TBX19: variants seen among roughly 807,000 people sequenced by gnomAD.
The protein encoded by TBX19 is T-box transcription factor TBX19.
A neutral mutation model predicts 40.9 loss-of-function variants in TBX19; 33 were observed. The observed-to-expected ratio is 0.81, with a 90% CI of 0.61 to 1.08. TBX19 has a LOEUF of 1.08. Ranked by LOEUF, TBX19 falls within the 50% of genes least tolerant of loss-of-function variation. The pLI, the probability that TBX19 is intolerant of heterozygous loss-of-function variation, is 0.00. For synonymous variants in TBX19, 220 were observed against 225.0 expected, an observed-to-expected ratio of 0.98 and a Z score of 0.20; for missense variants, 494 against 574.0, an observed-to-expected ratio of 0.86 and a Z score of 1.42.
In TBX19 at chr1:168,305,022, T is replaced by C; in HGVS notation, c.742T>C (p.Phe248Leu). The change falls in exon 6 of 8, where the codon TTT becomes CTT. Residue 248 changes from phenylalanine to leucine, a missense_variant. Physicochemically the swap from Phe to Leu is conservative, Grantham distance 22 (BLOSUM62 0). This residue lies in a region of TBX19 where 284 missense variants were observed against 307.3 expected (regional missense o/e 0.92). Coordinates refer to ENST00000367821, the MANE Select transcript of TBX19 (RefSeq NM_005149.3). ...VTYSHLGGWI[F>L]SNPDGVCTAG... is the part of the protein sequence containing the mutation. ...GTCTATTTTAGTGGGAGGCTGGATC[T>C]TTTCCAATCCAGATGGAGTGTGCAC... is the stretch of plus-strand genomic sequence containing the variant. 1 of 1,614,058 alleles carries C rather than the reference T, an allele frequency of 6.2e-7. No homozygotes were observed. Among genetic ancestry groups the C allele is most frequent in the Non-Finnish European group, 8.5e-7 (1 of 1,180,042 alleles).
intron 6 of TBX19, 129 bp downstream of exon 6, chr1:168,305,325 A>G (rs1374587608): frequency 3.7e-6 from 3 of 812,246 alleles, no homozygotes; most frequent in Non-Finnish European, 4.0e-6. Flanking sequence ...CATCTATGAT[A>G]TGATTGTTTT....
intron 5 of TBX19, 64 bp from the exon 6 acceptor site, chr1:168,304,944 C>G (rs147965071): frequency 3.3e-6 from 5 of 1,513,124 alleles, no homozygotes; most frequent in East Asian, 2.2e-5. Context: ...AGTAGCTGGT[C>G]ACCTGATTTT....
chr1:168,281,788 T>C (rs1188504795), intron 1 of TBX19, among the ~76,000 whole-genome samples: 1 of 152,252 alleles, frequency 6.6e-6, no homozygotes, highest in East Asian at 1.9e-4. Context: ...TCACTTCATC[T>C]GCTTCCCCGT....
chr1:168,303,581 G>A (rs1033327918), intron 5 of TBX19, among the ~76,000 whole-genome samples: 2 of 152,206 alleles, frequency 1.3e-5, no homozygotes, highest in Admixed American at 1.3e-4. Flanking sequence ...ACAGAGTAAA[G>A]TGAAAGCAAG....
intron 3 of TBX19, 21 bp downstream of exon 3, chr1:168,293,299 G>GTGTGTT (rs1218378400): frequency 1.3e-6 from 2 of 1,562,724 alleles, no homozygotes; most frequent in East Asian, 4.7e-5. Context: ...GTGTGTGTGT[G>GTGTGTT]TGTGTGTGTG....
chr1:168,297,815 TA>T, intron 4 of TBX19, 30 bp downstream of exon 4: 1 of 1,550,616 alleles, frequency 6.4e-7, no homozygotes, highest in African/African-American at 1.4e-5. Flanking sequence ...TGAAATCTTC[TA>T]ATGAATGATT....
intron 6 of TBX19, chr1:168,308,387 A>C (rs142975695): frequency 8.8e-6 from 3 of 339,348 alleles, no homozygotes; most frequent in Non-Finnish European, 1.7e-5. Flanking sequence ...CCTTAGGCTT[A>C]GCTTGAGGGG....
intron 6 of TBX19, among the ~76,000 whole-genome samples, chr1:168,307,381 G>A (rs1213881074): frequency 2.0e-5 from 3 of 152,122 alleles, no homozygotes; most frequent in African/African-American, 7.2e-5. Context: ...GCATCACATG[G>A]ATGGTGGGGG....
In TBX19 at chr1:168,293,272, T is replaced by C. The variant is rs143377172; in HGVS notation, c.597T>C (p.Asn199=). The change falls in exon 3 of 8, where the codon AAT becomes AAC. Residue 199 remains asparagine, a synonymous_variant. Transcript: ENST00000367821. The part of the protein sequence containing the change: ...TQFIAVTAYQ[N]EEITALKIKY... ...TCATAGCCGTGACTGCCTATCAGAA[T>C]GAGGAGGTAAGAGTGTGTGTGTGTG... 205 of 1,598,970 alleles carry C rather than the reference T, an allele frequency of 1.3e-4. 1 individual carries two copies. The highest frequency in any genetic ancestry group is 6.9e-5 in the Admixed American group (4 of 58,340).
intron 5 of TBX19, 93 bp downstream of exon 5, chr1:168,300,576 T>A: frequency 1.7e-6 from 2 of 1,190,750 alleles, no homozygotes; most frequent in Non-Finnish European, 1.2e-6. Flanking sequence ...CAGGACTGCT[T>A]AAGGACTTCC....
intron 1 of TBX19, among the ~76,000 whole-genome samples, chr1:168,289,312 G>A (rs1470759203): frequency 6.6e-6 from 1 of 152,084 alleles, no homozygotes; most frequent in Non-Finnish European, 1.5e-5. Context: ...ATCGTAAAAG[G>A]GAATCGTTTA....
intron 5 of TBX19, among the ~76,000 whole-genome samples, chr1:168,303,786 A>G (rs1397326162): frequency 6.6e-6 from 1 of 152,184 alleles, no homozygotes; most frequent in East Asian, 1.9e-4. Flanking sequence ...TTTAGACCGC[A>G]TAGGGTAACT....
At chr1:168,306,149 G>A (rs1410823378) in intron 6 of TBX19, among the ~76,000 whole-genome samples, 1 of 152,156 alleles carries the variant, frequency 6.6e-6, no homozygotes, top group Non-Finnish European at 1.5e-5. Flanking sequence ...CCCTTAGCCT[G>A]CTATTCTTGG....
Position 168,300,622 on chromosome 1 carries a change from G to A in TBX19, c.727+139G>A, listed in dbSNP as rs988586723. ...CCAACACACAGTTTATTCTATTAAG[G>A]ACAAATTTGTGCCCTTTCCAGAATT... On this transcript the variant is annotated intron_variant, in intron 5 of 7. Transcript: ENST00000367821. 1.8e-5 allele frequency: 15 copies of A among 825,574 alleles called. No individual in the cohort carries two copies. The East Asian group carries it at 4.0e-4, about 22-fold the overall frequency. The allele number at this position is 825,574 out of a possible 1,614,324, so 51.1% of individuals were successfully genotyped here. A position where few individuals can be genotyped will look rare whatever the true frequency, so the allele number is the denominator to read the frequency against.
At chr1:168,295,722 G>A (rs1181243279) in intron 3 of TBX19, among the ~76,000 whole-genome samples, 1 of 152,288 alleles carries the variant, frequency 6.6e-6, no homozygotes, top group African/African-American at 2.4e-5. Flanking sequence ...CTGGGTCTAT[G>A]AGGGGAGGTA....
At chr1:168,304,283 T>G (rs1339063296) in intron 5 of TBX19, among the ~76,000 whole-genome samples, 1 of 152,166 alleles carries the variant, frequency 6.6e-6, no homozygotes, top group African/African-American at 2.4e-5. Context: ...TGGGGGTAGC[T>G]AGACAATAGG....
chr1:168,301,088 A>G (rs1572480374), intron 5 of TBX19, among the ~76,000 whole-genome samples: 2 of 152,184 alleles, frequency 1.3e-5, no homozygotes, highest in Non-Finnish European at 2.9e-5. Context: ...TCAGAGTAGG[A>G]AAGTTAACCC....
At chr1:168,297,700 A>G in intron 3 of TBX19, 24 bp from the exon 4 acceptor site, 1 of 1,611,666 alleles carries the variant, frequency 6.2e-7, no homozygotes, top group East Asian at 2.2e-5. Context: ...TTTTACTAAC[A>G]CTTCTTGTCT....
In TBX19 at chr1:168,313,142, C is replaced by G; in HGVS notation, c.*140C>G. ...GGTGGAGGTGGGTTATTACAGAAGTCATACTGGGAGAGGGTTCAGTTTGGA... is the reference window on the plus strand; with the variant it reads ...GGTGGAGGTGGGTTATTACAGAAGTGATACTGGGAGAGGGTTCAGTTTGGA... On this transcript the variant is annotated 3_prime_UTR_variant, in exon 8 of 8. Transcript: ENST00000367821. 1 of 1,042,760 alleles carries G rather than the reference C, an allele frequency of 9.6e-7. No homozygotes were observed. Among genetic ancestry groups the G allele is most frequent in the Admixed American group, 2.0e-5 (1 of 49,238 alleles). The allele number at this position is 1,042,760 out of a possible 1,614,324, so 64.6% of individuals were successfully genotyped here. A position where few individuals can be genotyped will look rare whatever the true frequency, so the allele number is the denominator to read the frequency against.
Sources: allele counts gnomAD v4.1 joint callset (sites outside exome capture counted in the v4.1 genomes callset), GRCh38; gene constraint gnomAD v4.1.1; regional missense constraint gnomAD v4.1.1; transcripts MANE v1.5; gene names NCBI Gene and HGNC (gene_info 2026-07-23, HGNC 2026-07-21).